CNBD1: variants seen among roughly 807,000 people sequenced by gnomAD.
CNBD1 encodes the protein cyclic nucleotide-binding domain-containing protein 1.
Under a neutral mutation model 54.4 loss-of-function variants are expected in CNBD1, and 71 were observed. The ratio of observed to expected loss-of-function variants is 1.30; its 90% CI spans 1.08 to 1.59. CNBD1 has a LOEUF of 1.59. Among genes scored for constraint, CNBD1 ranks in the 40% most tolerant of loss-of-function variants. The pLI is 0.00. For missense variants in CNBD1, 659 were observed against 518.0 expected (o/e 1.27, Z -2.64); for synonymous variants, 182 against 170.7 (o/e 1.07, Z -0.51).
In CNBD1 at chr8:86,884,157, AAAAC is replaced by A. The variant is rs1193099569; in HGVS notation, c.89-3381_89-3378del. ...ACAGAGCGAGACTCCGTCTCAAAACAAAACAAAACAAAACAAAACAAAAAAACCT... is the reference window on the plus strand; with the variant it reads ...ACAGAGCGAGACTCCGTCTCAAAACAAAAACAAAACAAAACAAAAAAACCT... On this transcript the variant is annotated intron_variant, in intron 1 of 10. Transcript: ENST00000518476. Among the ~76,000 whole-genome samples the A allele has an allele frequency of 4.0e-3, 606 of 151,224 alleles. 9 individuals carry two copies. The highest frequency in any genetic ancestry group is 0.037 in the East Asian group (191 of 5,124).
intron 4 of CNBD1, among the ~76,000 whole-genome samples, chr8:86,952,594 T>C (rs1272735612): frequency 1.3e-5 from 2 of 151,954 alleles, no homozygotes; most frequent in East Asian, 3.9e-4. Flanking sequence ...TGTGTACCTA[T>C]ATATCATATA....
intron 4 of CNBD1, among the ~76,000 whole-genome samples, chr8:87,167,710 A>G (rs1812994504): frequency 6.6e-6 from 1 of 151,902 alleles, no homozygotes; most frequent in African/African-American, 2.4e-5. Context: ...TTTTTTTATT[A>G]TATAATTTTT....
At chr8:86,957,899 C>A (rs1430630660) in intron 4 of CNBD1, among the ~76,000 whole-genome samples, 1 of 152,132 alleles carries the variant, frequency 6.6e-6, no homozygotes, top group East Asian at 1.9e-4. Context: ...CCTTGCTTCT[C>A]TAGTTCTTTT....
At chr8:87,143,612 T>C (rs1299726344) in intron 4 of CNBD1, among the ~76,000 whole-genome samples, 1 of 152,190 alleles carries the variant, frequency 6.6e-6, no homozygotes, top group Non-Finnish European at 1.5e-5. Flanking sequence ...AATATACTTA[T>C]TTGTCTTATA....
At chr8:86,890,382 T>C (rs1384821153) in intron 2 of CNBD1, among the ~76,000 whole-genome samples, 1 of 152,130 alleles carries the variant, frequency 6.6e-6, no homozygotes, top group East Asian at 1.9e-4. Context: ...CTTAGCATAA[T>C]GTCCTTGATG....
chr8:87,330,669 C>G (rs1366701698), intron 8 of CNBD1, among the ~76,000 whole-genome samples: 1 of 152,016 alleles, frequency 6.6e-6, no homozygotes, highest in African/African-American at 2.4e-5. Flanking sequence ...GATTTCTTTT[C>G]TTTCACATTT....
intron 4 of CNBD1, among the ~76,000 whole-genome samples, chr8:87,084,253 T>G (rs1461233823): frequency 6.6e-6 from 1 of 152,256 alleles, no homozygotes; most frequent in Admixed American, 6.5e-5. Context: ...ATCTGTATCT[T>G]TATTATTTTA....
intron 5 of CNBD1, among the ~76,000 whole-genome samples, chr8:87,224,058 TC>T (rs1045763744): frequency 1.3e-5 from 2 of 151,380 alleles, no homozygotes; most frequent in African/African-American, 2.4e-5. Context: ...AAGTGTCTGT[TC>T]ATGTCCTTCA....
intron 6 of CNBD1, among the ~76,000 whole-genome samples, chr8:87,247,661 C>A (rs919157547): frequency 6.6e-6 from 1 of 152,028 alleles, no homozygotes; most frequent in Admixed American, 6.6e-5. Flanking sequence ...GCTCTCATAA[C>A]TCAAAAACTC....
intron 4 of CNBD1, among the ~76,000 whole-genome samples, chr8:87,045,323 T>A (rs1013460479): frequency 2.0e-5 from 3 of 152,194 alleles, no homozygotes; most frequent in Non-Finnish European, 4.4e-5. Flanking sequence ...GACTGGAATC[T>A]TTCAAGAAGG....
intron 2 of CNBD1, among the ~76,000 whole-genome samples, chr8:87,402,287 A>G: frequency 6.6e-6 from 1 of 152,010 alleles, no homozygotes; most frequent in African/African-American, 2.4e-5. Flanking sequence ...CTATAAGTCA[A>G]GATGAGATTT....
At chr8:86,969,791 TATAC>T (rs750451611) in intron 4 of CNBD1, among the ~76,000 whole-genome samples, 1 of 53,750 alleles carries the variant, frequency 1.9e-5, no homozygotes, top group Admixed American at 2.3e-4. Context: ...TATATATATA[TATAC>T]ACACACACAC....
chr8:87,141,223 T>C (rs1812363459), intron 4 of CNBD1, among the ~76,000 whole-genome samples: 1 of 152,076 alleles, frequency 6.6e-6, no homozygotes, highest in African/African-American at 2.4e-5. Context: ...ATTATTCTCT[T>C]ATAAAATCCT....
At chr8:87,159,021 A>AT (rs570676228) in intron 4 of CNBD1, among the ~76,000 whole-genome samples, 5 of 152,098 alleles carry the variant, frequency 3.3e-5, no homozygotes, top group South Asian at 2.1e-4. Flanking sequence ...TATTTATTTC[A>AT]TTTTTTTGTA....
chr8:87,115,195 T>C (rs959531415), intron 4 of CNBD1, among the ~76,000 whole-genome samples: 1 of 152,176 alleles, frequency 6.6e-6, no homozygotes, highest in Non-Finnish European at 1.5e-5. Flanking sequence ...ACCACATTCA[T>C]CTCAGGCAAA....
intron 4 of CNBD1, among the ~76,000 whole-genome samples, chr8:87,124,561 A>T (rs923666095): frequency 1.3e-5 from 2 of 151,950 alleles, no homozygotes; most frequent in African/African-American, 4.8e-5. Context: ...TTATATGACC[A>T]TTTAATGGAC....
At chr8:87,368,453 T>A (rs1461124131) in intron 10 of CNBD1, among the ~76,000 whole-genome samples, 1 of 151,732 alleles carries the variant, frequency 6.6e-6, no homozygotes, top group African/African-American at 2.4e-5. Context: ...CTGGGCAACA[T>A]AGTGAGACCC....
chr8:87,195,502 A>G (rs1193708738), intron 4 of CNBD1, among the ~76,000 whole-genome samples: 1 of 151,232 alleles, frequency 6.6e-6, no homozygotes, highest in African/African-American at 2.4e-5. Context: ...TGCTGGGATT[A>G]CAGGCGTAAG....
intron 4 of CNBD1, among the ~76,000 whole-genome samples, chr8:86,996,877 G>A (rs1216421619): frequency 1.2e-4 from 18 of 152,206 alleles, no homozygotes; most frequent in Non-Finnish European, 5.9e-5. Flanking sequence ...CAGATTTGGT[G>A]TCTGGTGAGG....
Sources: allele counts gnomAD v4.1 joint callset (sites outside exome capture counted in the v4.1 genomes callset), GRCh38; gene constraint gnomAD v4.1.1; transcripts MANE v1.5; gene names NCBI Gene and HGNC (gene_info 2026-07-23, HGNC 2026-07-21).